Variants in CASZ1 observed in about 807,000 individuals in gnomAD.
The protein encoded by CASZ1 is castor zinc finger 1, also known as zinc finger protein castor homolog 1.
Under a neutral mutation model 135.2 loss-of-function variants are expected in CASZ1, and 28 were observed. The ratio of observed to expected loss-of-function variants is 0.21; its 90% confidence interval spans 0.15 to 0.28. The LOEUF is 0.28. CASZ1 is among the 10% of genes least tolerant of loss of function. The probability of loss-of-function intolerance (pLI) is 1.00; values close to 1 mark genes in which losing one functional copy is unlikely to be tolerated. For synonymous variants in CASZ1, 1,068 were observed against 1,073.4 expected (o/e 0.99, Z 0.10); for missense variants, 2,161 against 2,453.3 (o/e 0.88, Z 2.52).
At chr1:10,690,491 G>C (rs1384667270) in intron 4 of CASZ1, among the ~76,000 whole-genome samples, 2 of 152,220 alleles carry the variant, frequency 1.3e-5, no homozygotes, top group Admixed American at 1.3e-4. Flanking sequence ...CTGATCCCAC[G>C]CTTCCTGGCC....
intron 4 of CASZ1, among the ~76,000 whole-genome samples, chr1:10,678,864 A>C (rs1638325447): frequency 6.6e-6 from 1 of 152,020 alleles, no homozygotes; most frequent in East Asian, 1.9e-4. Context: ...ACTTTCAATC[A>C]AAATCCTCCT....
At chr1:10,772,515 A>G (rs1313225299) in intron 1 of CASZ1, among the ~76,000 whole-genome samples, 5 of 152,284 alleles carry the variant, frequency 3.3e-5, no homozygotes, top group African/African-American at 1.2e-4. Context: ...ACATATCCAG[A>G]TATTCTACCA....
intron 20 of CASZ1, chr1:10,641,959 CG>C (rs969536547): frequency 3.3e-5 from 5 of 152,494 alleles, no homozygotes; most frequent in African/African-American, 1.2e-4. Flanking sequence ...GGTCAGGCCC[CG>C]GAGCGTGGCC....
At chr1:10,686,994 G>C (rs1638614761) in intron 4 of CASZ1, among the ~76,000 whole-genome samples, 1 of 152,204 alleles carries the variant, frequency 6.6e-6, no homozygotes, top group Non-Finnish European at 1.5e-5. Context: ...TGACAGACAG[G>C]GAGGCACTGG....
At chr1:10,780,011 T>G (rs1640734886) in intron 1 of CASZ1, among the ~76,000 whole-genome samples, 1 of 152,142 alleles carries the variant, frequency 6.6e-6, no homozygotes, top group Admixed American at 6.5e-5. Context: ...CACCCTGAGC[T>G]GGGCCAGGAG....
At chr1:10,716,387 G>A (rs1438999638) in intron 2 of CASZ1, among the ~76,000 whole-genome samples, 13 of 152,352 alleles carry the variant, frequency 8.5e-5, no homozygotes, top group East Asian at 3.9e-4. Flanking sequence ...TGCACAAGCC[G>A]GCTAGAAGAG....
Position 10,717,713 on chromosome 1 carries a change from G to T in CASZ1, c.-76-12169C>A, listed in dbSNP as rs1392173125. Among the ~76,000 whole-genome samples, 1 of 152,150 alleles carries T rather than the reference G, an allele frequency of 6.6e-6. No individual in the cohort carries two copies. The highest frequency in any genetic ancestry group is 1.9e-4 in the East Asian group (1 of 5,184). On this transcript the variant is annotated intron_variant, in intron 2 of 20. Transcript: ENST00000377022. This position sits in a 1 kb window ranked among gnomAD's most constrained non-coding sequence, Gnocchi z 4.6. ...CCTTGCCAATTCCCCCCCAACTGATGTCAGAGCTGCCGGCACCCTGAACTC... is the reference window on the plus strand; with the variant it reads ...CCTTGCCAATTCCCCCCCAACTGATTTCAGAGCTGCCGGCACCCTGAACTC...
chr1:10,760,384 A>G (rs56872585), intron 2 of CASZ1, among the ~76,000 whole-genome samples: 99 of 152,364 alleles, frequency 6.5e-4, no homozygotes, highest in African/African-American at 2.4e-3. Context: ...CCATAGAAAC[A>G]CTGGGAAGAT....
chr1:10,730,504 C>T (rs1455904100), intron 2 of CASZ1, among the ~76,000 whole-genome samples: 1 of 152,160 alleles, frequency 6.6e-6, no homozygotes, highest in Non-Finnish European at 1.5e-5. Flanking sequence ...TGTGACTGAG[C>T]TGAGAGTGGA....
chr1:10,662,134 C>T (rs923917174), intron 5 of CASZ1, among the ~76,000 whole-genome samples: 1 of 151,938 alleles, frequency 6.6e-6, no homozygotes, highest in East Asian at 1.9e-4. Flanking sequence ...CACATGCATT[C>T]GCATACACTC....
intron 1 of CASZ1, among the ~76,000 whole-genome samples, chr1:10,787,841 C>T (rs1042851587): frequency 1.8e-4 from 28 of 152,336 alleles, no homozygotes; most frequent in African/African-American, 6.0e-4. Flanking sequence ...TCCCTCCGGG[C>T]TTCCCACCGG....
At position 10,647,661 on chromosome 1, in the gene CASZ1, C is replaced by T. The variant is rs1371391067; in HGVS notation, c.3497+140G>A. The stretch of plus-strand genomic sequence containing the variant: ...GCAGCATCTTTGGCTAGAAGGACAT[C>T]ACCCGATGGCCATGCCCCAGAGAGG... On this transcript the variant is annotated intron_variant, in intron 16 of 20. Transcript: ENST00000377022. The surrounding 1 kb of genome is among the most constrained non-coding windows in gnomAD (Gnocchi z 4.9). The T allele has an allele frequency of 7.4e-6, 11 of 1,484,488 alleles. No homozygotes were observed. The highest frequency in any genetic ancestry group is 9.8e-6 in the Non-Finnish European group (11 of 1,121,740). 92.0% of individuals were successfully genotyped at this position (1,484,488 alleles called of 1,614,324 possible). A position where few individuals can be genotyped will look rare whatever the true frequency, so the allele number is the denominator to read the frequency against.
chr1:10,660,109 C>T lies in CASZ1; in HGVS notation c.933G>A (p.Lys311=), dbSNP rs761557328. The T allele has an allele frequency of 1.9e-6, 3 of 1,614,058 alleles. No homozygotes were observed. The highest frequency in any genetic ancestry group is 1.6e-4 in the Middle Eastern group (1 of 6,084). The change falls in exon 6 of 21, where the codon AAG becomes AAA. Residue 311 remains lysine (K), a synonymous_variant. Transcript: ENST00000377022. Reference sequence around the variant, plus strand: ...TCAGTTTTTGGATGAAGAAGTCGTACTTGGAGGCCCGGGCTACCAGGTTCT... The same window carrying T: ...TCAGTTTTTGGATGAAGAAGTCGTATTTGGAGGCCCGGGCTACCAGGTTCT... ...QMQNLVARAS[K]YDFFIQKLKT... is the part of the protein sequence containing the mutation.
intron 18 of CASZ1, among the ~76,000 whole-genome samples, 182 bp from the exon 19 acceptor site, chr1:10,643,493 CT>C (rs34016009): frequency 6.6e-6 from 1 of 152,250 alleles, no homozygotes; most frequent in African/African-American, 2.4e-5. Context: ...CCAAAGCCCC[CT>C]GGCTGTCCAA....
At chr1:10,641,156 G>C (rs1203572397) in intron 20 of CASZ1, among the ~76,000 whole-genome samples, 5 of 152,252 alleles carry the variant, frequency 3.3e-5, no homozygotes, top group Non-Finnish European at 7.3e-5. Context: ...CACCCGGAGT[G>C]GACAAAAACG....
chr1:10,752,630 C>A (rs1037085979), intron 2 of CASZ1, among the ~76,000 whole-genome samples: 5 of 152,198 alleles, frequency 3.3e-5, no homozygotes, highest in African/African-American at 1.2e-4. Flanking sequence ...CTGGCTCTTC[C>A]AGAAGGAGGT....
rs1643251631 is a variant in CASZ1, at chr1:10,666,801, A to G, written c.17-1230T>C. Among the ~76,000 whole-genome samples the G allele has an allele frequency of 6.6e-6, 1 of 152,228 alleles. No homozygotes were observed. Among genetic ancestry groups the G allele is most frequent in the African/African-American group, 2.4e-5 (1 of 41,464 alleles). On this transcript the variant is annotated intron_variant, in intron 4 of 20. Coordinates refer to ENST00000377022, the MANE Select transcript of CASZ1 (RefSeq NM_001079843.3). The surrounding 1 kb of genome is among the most constrained non-coding windows in gnomAD (Gnocchi z 5.2). ...CGAGGGTGGACACACACACACGCAC[A>G]CACACGCGTGCACACACAGCGCAGC...
At chr1:10,640,745 G>A (rs1642178271) in intron 20 of CASZ1, among the ~76,000 whole-genome samples, 2 of 152,332 alleles carry the variant, frequency 1.3e-5, no homozygotes, top group South Asian at 4.1e-4. Context: ...CCTCTGCTCA[G>A]AGTCGTAATT....
chr1:10,704,812 G>C (rs1473871503), intron 3 of CASZ1, among the ~76,000 whole-genome samples: 2 of 152,224 alleles, frequency 1.3e-5, no homozygotes, highest in East Asian at 3.8e-4. Flanking sequence ...CCTGGGGCCC[G>C]AGGCCCGGTG....
Sources: gnomAD v4.1 joint callset for allele counts (sites outside exome capture counted in the v4.1 genomes callset) on GRCh38, gnomAD v4.1.1 for gene constraint, Gnocchi (gnomAD v3.1) non-coding constraint, MANE v1.5 for transcripts, NCBI Gene and HGNC (gene_info 2026-07-23, HGNC 2026-07-21) for gene names.